RHBDL3: variants seen among roughly 807,000 people sequenced by gnomAD.
The protein encoded by RHBDL3 is rhomboid like 3, also known as rhomboid-related protein 3.
Under a neutral mutation model 48.2 loss-of-function variants are expected in RHBDL3, and 28 were observed. That is an observed-to-expected ratio of 0.58 (90% confidence interval 0.43 to 0.80). RHBDL3 has a LOEUF of 0.80. Ranked by LOEUF, RHBDL3 falls within the 30% of genes least tolerant of loss-of-function variation. The pLI is 0.00. For synonymous variants in RHBDL3, 208 were observed against 232.3 expected, an observed-to-expected ratio of 0.90 and a Z score of 0.95; for missense variants, 464 against 542.7, an observed-to-expected ratio of 0.85 and a Z score of 1.44.
chr17:32,291,881 C>T (rs1342149216), intron 4 of RHBDL3, among the ~76,000 whole-genome samples: 10 of 150,964 alleles, frequency 6.6e-5, no homozygotes, highest in Non-Finnish European at 1.3e-4. Flanking sequence ...AAGCAATTCT[C>T]CTGCCTCAGC....
intron 1 of RHBDL3, chr17:32,267,654 T>TTCCTCC: frequency 1.6e-6 from 1 of 632,234 alleles, no homozygotes; most frequent in Non-Finnish European, 2.4e-6. Context: ...ACACCCACCT[T>TTCCTCC]GCCGCCCCCG....
At chr17:32,272,702 C>T (rs1001880085) in intron 2 of RHBDL3, among the ~76,000 whole-genome samples, 3 of 152,236 alleles carry the variant, frequency 2.0e-5, no homozygotes, top group Non-Finnish European at 4.4e-5. Flanking sequence ...CCTGACCACT[C>T]ACAGAAATGC....
chr17:32,284,034 G>A (rs745939538), intron 2 of RHBDL3: 2 of 152,302 alleles, frequency 1.3e-5, no homozygotes, highest in South Asian at 2.1e-4. Context: ...GAAAGAGCAC[G>A]GTGTAAAACA....
chr17:32,311,808 T>C (rs767448154), intron 7 of RHBDL3, among the ~76,000 whole-genome samples: 25 of 152,250 alleles, frequency 1.6e-4, no homozygotes, highest in Non-Finnish European at 3.2e-4. Flanking sequence ...TGATGCCTAC[T>C]GTGTGCCAGG....
chr17:32,291,659 T>C (rs1597647975), intron 4 of RHBDL3, among the ~76,000 whole-genome samples: 2 of 151,190 alleles, frequency 1.3e-5, no homozygotes, highest in Non-Finnish European at 2.9e-5. Flanking sequence ...CCAGCCTGGG[T>C]GACAGAACAA....
rs61558385 is a variant in RHBDL3 at position 32,309,179 on chromosome 17, AGT to A, written c.882+3774_882+3775del. ...TTTCAGCTTCAAAATGAAGGTTTGG[AGT>A]GTGTGTGTGTGTGTGTGTGTGTGTG... On this transcript the variant is annotated intron_variant, in intron 7 of 8. Transcript: ENST00000269051. 6.1e-3 allele frequency among the ~76,000 whole-genome samples: 911 copies of A among 149,616 alleles called. 2 individuals are homozygous for A. The highest frequency in any genetic ancestry group is 0.025 in the East Asian group (124 of 4,870).
At chr17:32,314,572 G>A (rs1182503910) in intron 7 of RHBDL3, among the ~76,000 whole-genome samples, 1 of 152,156 alleles carries the variant, frequency 6.6e-6, no homozygotes, top group Admixed American at 6.5e-5. Context: ...AGAACCGTTA[G>A]GGGTGAGAGC....
intron 3 of RHBDL3, chr17:32,288,434 T>G: frequency 4.0e-6 from 1 of 250,374 alleles, no homozygotes; most frequent in Admixed American, 4.9e-5. Flanking sequence ...AGTGAGTAGA[T>G]GAAGGAAGGT....
At chr17:32,299,041 C>T (rs955706667) in intron 6 of RHBDL3, among the ~76,000 whole-genome samples, 4 of 130,206 alleles carry the variant, frequency 3.1e-5, no homozygotes, top group African/African-American at 1.2e-4. Flanking sequence ...ACTTTATTGC[C>T]GGCTGTTTTT....
intron 2 of RHBDL3, among the ~76,000 whole-genome samples, chr17:32,281,797 ACTCATGGAGC>A (rs1301414457): frequency 6.6e-6 from 1 of 151,924 alleles, no homozygotes; most frequent in African/African-American, 2.4e-5. Context: ...GGGCTGTGAG[ACTCATGGAGC>A]CCCTTCCTCT....
Position 32,321,200 on chromosome 17 carries a change from C to G in RHBDL3, c.1186C>G (p.Leu396Val). Reference sequence around the variant, plus strand: ...CTGGAACATCTTTGCCTACACCCTGCTGGACTTAAAGCTGCCGCCTCCCCC... The same window carrying G: ...CTGGAACATCTTTGCCTACACCCTGGTGGACTTAAAGCTGCCGCCTCCCCC... ...VFWNIFAYTLLDLKLPPPP is the reference protein window; with the variant it reads ...VFWNIFAYTLVDLKLPPPP Residue 396 changes from leucine to valine, a missense_variant, in exon 9 of 9, where the codon CTG becomes GTG. Leu to Val is a conservative substitution (Grantham distance 32, BLOSUM62 1). Transcript: ENST00000269051. 1.2e-6 allele frequency: 2 copies of G among 1,614,222 alleles called. No homozygotes were observed. Among genetic ancestry groups the G allele is most frequent in the Non-Finnish European group, 1.7e-6 (2 of 1,180,016 alleles).
chr17:32,321,590 C>A lies in RHBDL3; in HGVS notation c.*361C>A. 2.4e-6 allele frequency: 1 copy of A among 409,600 alleles called. No individual in the cohort carries two copies. The highest frequency in any genetic ancestry group is 4.6e-6 in the Non-Finnish European group (1 of 217,116). 25.4% of individuals were successfully genotyped at this position (409,600 alleles called of 1,614,324 possible). ...GATTGAGCAGCAGCTTCTTCCTCCT[C>A]CTCTACCCTCAGAGACCCTAAGAGA... On this transcript the variant is annotated 3_prime_UTR_variant, in exon 9 of 9. Coordinates refer to ENST00000269051, the MANE Select transcript of RHBDL3 (RefSeq NM_138328.3).
intron 8 of RHBDL3, among the ~76,000 whole-genome samples, chr17:32,317,510 G>A (rs899120784): frequency 3.3e-5 from 5 of 152,140 alleles, no homozygotes; most frequent in Non-Finnish European, 7.3e-5. Flanking sequence ...GCAAGCAGGT[G>A]TCCACCAAGT....
At position 32,316,240 on chromosome 17, in the gene RHBDL3, A is replaced by G. The variant is rs771800005; in HGVS notation, c.891A>G (p.Ser297=). The change falls in exon 8 of 9, where the codon TCA becomes TCG. Residue 297 remains serine, a synonymous_variant. Coordinates refer to ENST00000269051, the MANE Select transcript of RHBDL3 (RefSeq NM_138328.3). ...AHLANIVMNW[S]GMKCQFKLLR... is the part of the protein sequence containing the mutation. ...CTCTCCTTTTTCCCTAGAACTGGTCAGGCATGAAGTGCCAGTTCAAGCTGC... is the reference window on the plus strand; with the variant it reads ...CTCTCCTTTTTCCCTAGAACTGGTCGGGCATGAAGTGCCAGTTCAAGCTGC... 6.2e-7 allele frequency: 1 copy of G among 1,612,974 alleles called. No homozygotes were observed. Among genetic ancestry groups the G allele is most frequent in the Non-Finnish European group, 8.5e-7 (1 of 1,178,952 alleles).
intron 2 of RHBDL3, among the ~76,000 whole-genome samples, chr17:32,282,516 T>A (rs984569425): frequency 2.6e-5 from 4 of 152,192 alleles, no homozygotes; most frequent in African/African-American, 9.6e-5. Flanking sequence ...CAGTGAGCTA[T>A]GATGGCACCA....
intron 2 of RHBDL3, chr17:32,284,443 T>C: frequency 2.0e-6 from 1 of 504,344 alleles, no homozygotes; most frequent in Non-Finnish European, 3.5e-6. Context: ...CCACGTGAGA[T>C]GGTTGGATTG....
chr17:32,305,917 C>A (rs1205945837), intron 7 of RHBDL3, among the ~76,000 whole-genome samples: 58 of 142,850 alleles, frequency 4.1e-4, no homozygotes, highest in African/African-American at 3.4e-4. Context: ...GATTCTTTCT[C>A]AAAAAAAAAA....
At chr17:32,296,775 T>TTTTTATTTTATTTTATTTTA (rs140902896) in intron 5 of RHBDL3, among the ~76,000 whole-genome samples, 42 of 141,180 alleles carry the variant, frequency 3.0e-4, no homozygotes, top group African/African-American at 8.9e-4. Context: ...CCGTAGCTCT[T>TTTTTATTTTATTTTATTTTA]TTTTATTTTA....
At chr17:32,305,297 C>G (rs562310637) in intron 6 of RHBDL3, 44 bp from the exon 7 acceptor site, 2 of 1,393,856 alleles carry the variant, frequency 1.4e-6, no homozygotes, top group African/African-American at 2.8e-5. Flanking sequence ...TTGGGTGAGC[C>G]GAGTCCCGCA....
Sources: gnomAD v4.1 joint callset for allele counts (sites outside exome capture counted in the v4.1 genomes callset) on GRCh38, gnomAD v4.1.1 for gene constraint, MANE v1.5 for transcripts, NCBI Gene and HGNC (gene_info 2026-07-23, HGNC 2026-07-21) for gene names.